Variants in GRAMD2A observed in about 807,000 individuals in gnomAD.
GRAMD2A encodes the protein GRAM domain containing 2A, also known as GRAM domain-containing protein 2A.
GRAMD2A carries 37 observed loss-of-function variants against 51.1 expected under a neutral mutation model. The ratio of observed to expected loss-of-function variants is 0.72; its 90% confidence interval spans 0.56 to 0.95. The LOEUF is 0.95. Ranked by LOEUF, GRAMD2A falls within the 40% of genes least tolerant of loss-of-function variation. The pLI, the probability that GRAMD2A is intolerant of heterozygous loss-of-function variation, is 0.00. For synonymous variants in GRAMD2A, 136 were observed against 157.1 expected (o/e 0.87, Z 1.01); for missense variants, 414 against 426.9 (o/e 0.97, Z 0.27).
chr15:72,186,919 G>A lies in GRAMD2A; in HGVS notation c.41+10812C>T, dbSNP rs182376095. ...ACCAGCACTTTGAGAAGCCGAGACA[G>A]GTGGATCACCTGAGCTCAGGAGTTC... On this transcript the variant is annotated intron_variant, in intron 1 of 11. Coordinates refer to ENST00000309731, the MANE Select transcript of GRAMD2A (RefSeq NM_001012642.3). 7.6e-4 allele frequency among the ~76,000 whole-genome samples: 116 copies of A among 151,938 alleles called. 1 individual carries two copies. The highest frequency in any genetic ancestry group is 3.4e-3 in the Middle Eastern group (1 of 294).
chr15:72,180,295 G>A (rs1004958420), intron 1 of GRAMD2A, among the ~76,000 whole-genome samples: 4 of 152,228 alleles, frequency 2.6e-5, no homozygotes, highest in Non-Finnish European at 5.9e-5. Context: ...GCATCTATTT[G>A]AGCTGGCACC....
At chr15:72,164,605 A>G (rs1044355027) in intron 8 of GRAMD2A, among the ~76,000 whole-genome samples, 47 of 151,852 alleles carry the variant, frequency 3.1e-4, no homozygotes, top group Non-Finnish European at 5.9e-5. Context: ...GGGTCTCACT[A>G]TGTTGCCCAG....
At chr15:72,179,037 G>T (rs2081677456) in intron 1 of GRAMD2A, among the ~76,000 whole-genome samples, 1 of 152,206 alleles carries the variant, frequency 6.6e-6, no homozygotes, top group South Asian at 2.1e-4. Context: ...GTGAGTTGGG[G>T]TCCCACTCAG....
At chr15:72,182,316 G>T (rs2081702279) in intron 1 of GRAMD2A, among the ~76,000 whole-genome samples, 1 of 130,988 alleles carries the variant, frequency 7.6e-6, no homozygotes, top group African/African-American at 2.9e-5. Context: ...AGTGAGCCAA[G>T]ATCTTGCCAC....
intron 1 of GRAMD2A, among the ~76,000 whole-genome samples, chr15:72,185,337 G>A (rs955908062): frequency 1.3e-5 from 2 of 151,962 alleles, no homozygotes; most frequent in Non-Finnish European, 2.9e-5. Context: ...AGGACTACAG[G>A]CACGTGCCAC....
At chr15:72,173,145 A>G (rs2081626233) in intron 1 of GRAMD2A, among the ~76,000 whole-genome samples, 1 of 152,166 alleles carries the variant, frequency 6.6e-6, no homozygotes, top group African/African-American at 2.4e-5. Context: ...AATTCTCAGG[A>G]CTGCAGGAGC....
In GRAMD2A at chr15:72,167,018, G is replaced by A. The variant is rs1424202853; in HGVS notation, c.447C>T (p.Ala149=). The A allele has an allele frequency of 1.2e-6, 2 of 1,614,048 alleles. No individual in the cohort carries two copies. The highest frequency in any genetic ancestry group is 1.3e-5 in the African/African-American group (1 of 75,032). ...KMARLLPNGL[A]ITTNTSQKYI... ...CCTTCTGGCTGGTGTTGGTGGTGAT[G>A]GCCAGTCCATTGGGAAGGAGCCGTG... The change falls in exon 6 of 12, where the codon GCC becomes GCT. Residue 149 remains alanine, a synonymous_variant. Transcript: ENST00000309731.
chr15:72,187,641 T>C (rs768711859), intron 1 of GRAMD2A, among the ~76,000 whole-genome samples: 6 of 152,108 alleles, frequency 3.9e-5, no homozygotes, highest in Non-Finnish European at 4.4e-5. Flanking sequence ...GCCTCCAAAG[T>C]AGCTGGGACT....
intron 1 of GRAMD2A, among the ~76,000 whole-genome samples, chr15:72,186,603 G>C (rs762674083): frequency 7.9e-5 from 12 of 152,128 alleles, no homozygotes; most frequent in Admixed American, 2.0e-4. Context: ...GATTACGGGC[G>C]TGAGCCACTG....
intron 1 of GRAMD2A, among the ~76,000 whole-genome samples, chr15:72,178,809 T>C (rs376634370): frequency 2.9e-4 from 44 of 151,810 alleles, no homozygotes; most frequent in East Asian, 1.7e-3. Flanking sequence ...CTCCTGACCT[T>C]GTGATCCGCC....
In GRAMD2A at chr15:72,178,627, G is replaced by A. The variant is rs542230330; in HGVS notation, c.42-8688C>T. Among the ~76,000 whole-genome samples the A allele has an allele frequency of 7.5e-4, 104 of 138,802 alleles. 1 individual carries two copies. Among genetic ancestry groups the A allele is most frequent in the South Asian group, 2.5e-3 (11 of 4,334 alleles). The allele number at this position is 138,802 out of a possible 152,430, so 91.1% of individuals were successfully genotyped here. On this transcript the variant is annotated intron_variant, in intron 1 of 11. Coordinates refer to ENST00000309731, the MANE Select transcript of GRAMD2A (RefSeq NM_001012642.3). ...GTCTTGCTCTATCGCCCAGGCTGGA[G>A]TGCAGTGGCGCAATCTCGGCTCACT...
Position 72,162,002 on chromosome 15 carries a change from G to A in GRAMD2A, c.*7C>T. 3 of 1,614,142 alleles carry A rather than the reference G, an allele frequency of 1.9e-6. No individual in the cohort carries two copies. Among genetic ancestry groups the A allele is most frequent in the Non-Finnish European group, 2.5e-6 (3 of 1,180,004 alleles). ...GAGAAGGAATGGGGACAAAGGCCAA[G>A]TGGCTGTTACCTGCACACAGGAAAG... On this transcript the variant is annotated 3_prime_UTR_variant, in exon 12 of 12. Transcript: ENST00000309731.
In GRAMD2A at chr15:72,170,015, G is replaced by T; in HGVS notation, c.42-76C>A. The T allele has an allele frequency of 9.5e-7, 1 of 1,049,748 alleles. No individual in the cohort carries two copies. Among genetic ancestry groups the T allele is most frequent in the Non-Finnish European group, 1.5e-6 (1 of 665,682 alleles). 65.0% of individuals were successfully genotyped at this position (1,049,748 alleles called of 1,614,324 possible). On this transcript the variant is annotated intron_variant, in intron 1 of 11. Transcript: ENST00000309731. This position sits in a 1 kb window ranked among gnomAD's most constrained non-coding sequence, Gnocchi z 4.5. ...TCCCTAACAGCCCCACCATGCCCAT[G>T]GCCGCTGCCTCTGGCCCCCACCCAA...
At chr15:72,195,512 C>T (rs1429306268) in intron 1 of GRAMD2A, among the ~76,000 whole-genome samples, 1 of 152,168 alleles carries the variant, frequency 6.6e-6, no homozygotes, top group Non-Finnish European at 1.5e-5. Context: ...CTGGCAGCAA[C>T]CCACCTTGGG....
chr15:72,194,174 A>C (rs1011855646), intron 1 of GRAMD2A, among the ~76,000 whole-genome samples: 1 of 152,276 alleles, frequency 6.6e-6, no homozygotes, highest in Non-Finnish European at 1.5e-5. Flanking sequence ...CACTTGCATC[A>C]GAGATGGCTG....
intron 1 of GRAMD2A, among the ~76,000 whole-genome samples, chr15:72,192,916 G>A (rs891750366): frequency 2.4e-4 from 36 of 152,120 alleles, no homozygotes; most frequent in Admixed American, 2.1e-3. Flanking sequence ...CCTGAGGTCA[G>A]GAGTTCAAGA....
chr15:72,181,350 T>C (rs1192955721), intron 1 of GRAMD2A, among the ~76,000 whole-genome samples: 3 of 152,210 alleles, frequency 2.0e-5, no homozygotes, highest in East Asian at 3.8e-4. Flanking sequence ...AGTAATCCCA[T>C]GGAAGTGGGG....
intron 1 of GRAMD2A, among the ~76,000 whole-genome samples, chr15:72,171,573 A>T (rs549250388): frequency 6.6e-6 from 1 of 152,304 alleles, no homozygotes; most frequent in South Asian, 2.1e-4. Context: ...TAACCCAGCC[A>T]TCAGCACGAC....
chr15:72,187,796 G>A (rs541054000), intron 1 of GRAMD2A, among the ~76,000 whole-genome samples: 1 of 152,280 alleles, frequency 6.6e-6, no homozygotes, highest in African/African-American at 2.4e-5. Context: ...GGGATTACAG[G>A]TGTGAGTGAG....
Sources: gnomAD v4.1 joint callset for allele counts (sites outside exome capture counted in the v4.1 genomes callset) on GRCh38, gnomAD v4.1.1 for gene constraint, Gnocchi (gnomAD v3.1) non-coding constraint, MANE v1.5 for transcripts, NCBI Gene and HGNC (gene_info 2026-07-23, HGNC 2026-07-21) for gene names.